The following DYM variants were observed in gnomAD, a reference collection of about 807,000 sequenced individuals.
DYM encodes dymeclin, also known as dyggve-Melchior-Clausen syndrome protein.
A neutral mutation model predicts 93.1 loss-of-function variants in DYM; 78 were observed. The ratio of observed to expected loss-of-function variants is 0.84; its 90% CI spans 0.70 to 1.01. The LOEUF (loss-of-function observed/expected upper bound fraction) is 1.01. Among genes scored for constraint, DYM ranks in the 50% least tolerant of loss-of-function variants. The pLI is 0.00. For synonymous variants in DYM, 321 were observed against 319.7 expected, an observed-to-expected ratio of 1.00 and a Z score of -0.04; for missense variants, 789 against 845.0, an observed-to-expected ratio of 0.93 and a Z score of 0.82.
chr18:49,068,798 G>C (rs569030544), intron 17 of DYM, among the ~76,000 whole-genome samples: 1 of 152,182 alleles, frequency 6.6e-6, no homozygotes, highest in Admixed American at 6.5e-5. Context: ...CTCCAGAAGT[G>C]ATTACATTCC....
chr18:49,056,447 G>A (rs2075490212), intron 17 of DYM, among the ~76,000 whole-genome samples: 1 of 152,174 alleles, frequency 6.6e-6, no homozygotes, highest in Admixed American at 6.5e-5. Flanking sequence ...GCTAATGAGT[G>A]TAAAAATATT....
chr18:49,209,327 G>A (rs2092673423), intron 14 of DYM, among the ~76,000 whole-genome samples: 1 of 152,124 alleles, frequency 6.6e-6, no homozygotes, highest in Admixed American at 6.6e-5. Flanking sequence ...ACAACTCTGT[G>A]GTTGAAAGCT....
intron 17 of DYM, among the ~76,000 whole-genome samples, chr18:49,066,713 T>C (rs1055255095): frequency 6.6e-6 from 1 of 152,186 alleles, no homozygotes; most frequent in African/African-American, 2.4e-5. Context: ...CAATTTGGAT[T>C]CTTTTTTTTT....
intron 6 of DYM, among the ~76,000 whole-genome samples, chr18:49,341,351 G>A (rs1413492022): frequency 4.6e-5 from 7 of 151,978 alleles, no homozygotes; most frequent in African/African-American, 1.7e-4. Flanking sequence ...AATTAGCCGG[G>A]CATGGTGGCA....
At chr18:49,155,566 A>C (rs550184901) in intron 15 of DYM, among the ~76,000 whole-genome samples, 1 of 152,332 alleles carries the variant, frequency 6.6e-6, no homozygotes, top group South Asian at 2.1e-4. Flanking sequence ...CTCCAGCCCT[A>C]AGGCATCTAC....
At chr18:49,440,272 A>G (rs1234812918) in intron 1 of DYM, among the ~76,000 whole-genome samples, 1 of 139,810 alleles carries the variant, frequency 7.2e-6, no homozygotes, top group Non-Finnish European at 1.5e-5. Context: ...TCTCAGGCTG[A>G]TAATCCACAA....
At chr18:49,413,355 C>T (rs542412688) in intron 2 of DYM, among the ~76,000 whole-genome samples, 183 of 152,282 alleles carry the variant, frequency 1.2e-3, no homozygotes, top group African/African-American at 4.1e-3. Flanking sequence ...GAGGTGTCTA[C>T]AGCAATGGGT....
chr18:49,253,547 T>C (rs1479577156), intron 13 of DYM, among the ~76,000 whole-genome samples: 2 of 152,152 alleles, frequency 1.3e-5, no homozygotes, highest in Non-Finnish European at 2.9e-5. Flanking sequence ...GGGGATCTTG[T>C]TAGAAAGAAG....
At chr18:49,156,293 C>T (rs1010182653) in intron 15 of DYM, among the ~76,000 whole-genome samples, 4 of 152,136 alleles carry the variant, frequency 2.6e-5, no homozygotes, top group Non-Finnish European at 4.4e-5. Context: ...GTTGGCCTTC[C>T]GTGAGAGGAT....
At chr18:49,152,177 T>G (rs2085890047) in intron 15 of DYM, among the ~76,000 whole-genome samples, 2 of 152,216 alleles carry the variant, frequency 1.3e-5, no homozygotes, top group African/African-American at 2.4e-5. Context: ...TTTTAATAAT[T>G]TTTTTAAAAG....
chr18:49,295,991 C>T (rs1442701450), intron 8 of DYM, among the ~76,000 whole-genome samples: 1 of 152,118 alleles, frequency 6.6e-6, no homozygotes, highest in Non-Finnish European at 1.5e-5. Context: ...GGCGTGATCT[C>T]GCTAACTGCA....
chr18:49,106,024 T>G (rs1360950196), intron 16 of DYM, among the ~76,000 whole-genome samples: 1 of 152,178 alleles, frequency 6.6e-6, no homozygotes, highest in African/African-American at 2.4e-5. Flanking sequence ...AGTCTCCCAT[T>G]ATTATTGTGT....
intron 15 of DYM, among the ~76,000 whole-genome samples, chr18:49,137,886 T>C (rs1339391698): frequency 6.6e-6 from 1 of 152,158 alleles, no homozygotes; most frequent in Non-Finnish European, 1.5e-5. Context: ...CAGAAGCAAC[T>C]AGAAAATCTC....
At chr18:49,332,469 T>C (rs1599487121) in intron 7 of DYM, among the ~76,000 whole-genome samples, 1 of 152,202 alleles carries the variant, frequency 6.6e-6, no homozygotes, top group Non-Finnish European at 1.5e-5. Flanking sequence ...ATTATAAATT[T>C]AGTGCATAAC....
chr18:49,290,286 A>G (rs1324565367), intron 8 of DYM, among the ~76,000 whole-genome samples: 1 of 152,128 alleles, frequency 6.6e-6, no homozygotes, highest in Non-Finnish European at 1.5e-5. Context: ...CGTTAAGTGA[A>G]AAAAACAAGT....
chr18:49,138,165 T>C (rs2084060792), intron 15 of DYM, among the ~76,000 whole-genome samples: 1 of 152,202 alleles, frequency 6.6e-6, no homozygotes, highest in Non-Finnish European at 1.5e-5. Context: ...TACTGGTTAT[T>C]ATTCAATAGT....
intron 1 of DYM, among the ~76,000 whole-genome samples, chr18:49,450,650 G>C (rs981076146): frequency 6.6e-6 from 1 of 152,186 alleles, no homozygotes; most frequent in Non-Finnish European, 1.5e-5. Flanking sequence ...GACATGTTTA[G>C]TCACATTAGA....
At position 49,120,208 on chromosome 18, in the gene DYM, C is replaced by G. The variant is rs192346965; in HGVS notation, c.1729-1282G>C. ...AATGCAAATGAAAAAGGGAAACCAA[C>G]TAAAAACAGAAAGTAAAATGGTAGT... On this transcript the variant is annotated intron_variant, in intron 15 of 17. Transcript: ENST00000675505. 4.0e-5 allele frequency among the ~76,000 whole-genome samples: 6 copies of G among 151,108 alleles called. No individual in the cohort carries two copies. The South Asian group carries it at 8.4e-4, about 21-fold the overall frequency.
Position 49,209,656 on chromosome 18 carries a change from T to G in DYM, c.1520A>C (p.His507Pro), listed in dbSNP as rs897470958. The G allele has an allele frequency of 1.6e-6, 2 of 1,287,864 alleles. No homozygotes were observed. The highest frequency in any genetic ancestry group is 2.0e-6 in the Non-Finnish European group (2 of 988,172). The allele number at this position is 1,287,864 out of a possible 1,614,324, so 79.8% of individuals were successfully genotyped here. A position where few individuals can be genotyped will look rare whatever the true frequency, so the allele number is the denominator to read the frequency against. ...VYVLDKLYFP[H>P]SHCSTLQHCF... is the part of the protein sequence containing the mutation. Reference sequence around the variant, plus strand: ...ATGCTGAAGCGTAGAACAGTGAGAGTGGGGGAAATACAGTTTGTCCAACAC... The same window carrying G: ...ATGCTGAAGCGTAGAACAGTGAGAGGGGGGGAAATACAGTTTGTCCAACAC... Residue 507 changes from histidine to proline, a missense_variant, in exon 14 of 18, where the codon CAC becomes CCC. Physicochemically the swap from His to Pro is moderately conservative, Grantham distance 77. Coordinates refer to ENST00000675505, the MANE Select transcript of DYM (RefSeq NM_001353214.3).
Sources: gnomAD v4.1 joint callset for allele counts (sites outside exome capture counted in the v4.1 genomes callset) on GRCh38, gnomAD v4.1.1 for gene constraint, MANE v1.5 for transcripts, NCBI Gene and HGNC (gene_info 2026-07-23, HGNC 2026-07-21) for gene names.